ATR: variants seen among roughly 807,000 people sequenced by gnomAD.
The protein encoded by ATR is ATR checkpoint kinase.
Under a neutral mutation model 305.3 loss-of-function variants are expected in ATR, and 142 were observed. The ratio of observed to expected loss-of-function variants is 0.47; its 90% CI spans 0.41 to 0.53. The LOEUF (loss-of-function observed/expected upper bound fraction) is 0.53, where lower values mean the gene tolerates loss of function less well. Ranked by LOEUF, ATR falls within the 20% of genes least tolerant of loss-of-function variation. ATR has a pLI of 0.00. For synonymous variants in ATR, 1,050 were observed against 1,068.1 expected (o/e 0.98, Z 0.33); for missense variants, 2,135 against 3,133.1 (o/e 0.68, Z 7.60).
intron 16 of ATR, among the ~76,000 whole-genome samples, chr3:142,544,620 G>C (rs906939923): frequency 1.4e-5 from 1 of 72,016 alleles, no homozygotes; most frequent in Non-Finnish European, 2.6e-5. Context: ...GAAGAAAGGA[G>C]CAAAAAAAAA....
At chr3:142,569,048 C>G (rs150754340) in intron 1 of ATR, among the ~76,000 whole-genome samples, 2,731 of 152,314 alleles carry the variant, frequency 0.018, 29 homozygotes, top group South Asian at 0.041. Context: ...AAGCCAGGAA[C>G]AGCTTGAAGC....
chr3:142,467,263 CT>C (rs2071152137), intron 39 of ATR, among the ~76,000 whole-genome samples: 1 of 152,044 alleles, frequency 6.6e-6, no homozygotes, highest in Non-Finnish European at 1.5e-5. Flanking sequence ...CCTATACATC[CT>C]TGGGGGTTTT....
At chr3:142,460,652 C>T (rs1303539616) in intron 42 of ATR, among the ~76,000 whole-genome samples, 20 of 152,020 alleles carry the variant, frequency 1.3e-4, no homozygotes, top group African/African-American at 2.4e-5. Context: ...TGTTTAAACT[C>T]GCTTAGTTTG....
Position 142,561,254 on chromosome 3 carries a change from T to C in ATR, c.1338A>G (p.Lys446=), listed in dbSNP as rs1269628278. Residue 446 remains lysine, a synonymous_variant, in exon 5 of 47, where the codon AAA becomes AAG. Transcript: ENST00000350721. ...SSLNPSKRAP[K]QTEEIKHVDM... Reference sequence around the variant, plus strand: ...GAAGGTCATCATACTCCTCAGTCTGTTTTGGTGCTCTTTTAGAAGGGTTTA... The same window carrying C: ...GAAGGTCATCATACTCCTCAGTCTGCTTTGGTGCTCTTTTAGAAGGGTTTA... The C allele has an allele frequency of 6.2e-7, 1 of 1,613,780 alleles. No homozygotes were observed. Among genetic ancestry groups the C allele is most frequent in the Non-Finnish European group, 8.5e-7 (1 of 1,179,716 alleles).
At chr3:142,547,074 C>T (rs983205619) in intron 16 of ATR, among the ~76,000 whole-genome samples, 3 of 152,032 alleles carry the variant, frequency 2.0e-5, no homozygotes, top group Non-Finnish European at 4.4e-5. Flanking sequence ...GCCAACAGTC[C>T]TTTAAGTCTG....
At chr3:142,478,923 T>C (rs1330189137) in intron 36 of ATR, among the ~76,000 whole-genome samples, 1 of 152,184 alleles carries the variant, frequency 6.6e-6, no homozygotes, top group Non-Finnish European at 1.5e-5. Flanking sequence ...CCTGCCTTTT[T>C]TTGTTTTCCA....
chr3:142,547,999 T>C (rs2034337074), intron 15 of ATR, 89 bp from the exon 16 acceptor site: 5 of 1,133,278 alleles, frequency 4.4e-6, no homozygotes, highest in South Asian at 2.6e-5. Context: ...TATTAGTACA[T>C]CAGGAGCTCT....
At position 142,561,321 on chromosome 3, in the gene ATR, C is replaced by T. The variant is rs758671510; in HGVS notation, c.1271G>A (p.Ser424Asn). Residue 424 changes from serine to asparagine, a missense_variant, in exon 5 of 47, where the codon AGT becomes AAT. Physicochemically the swap from Ser to Asn is conservative, Grantham distance 46. Transcript: ENST00000350721. The stretch of plus-strand genomic sequence containing the variant: ...ACGCCTTTTGGGTGATATTCCATCA[C>T]TATTACTGCTGAGGTTTTCCTGTTG... ...QTQQENLSSN[S>N]DGISPKRRRL... 6.2e-7 allele frequency: 1 copy of T among 1,614,082 alleles called. No individual in the cohort carries two copies. The highest frequency in any genetic ancestry group is 1.7e-5 in the Admixed American group (1 of 60,020).
In ATR at chr3:142,465,259, T is replaced by A. The variant is rs1553752204; in HGVS notation, c.6898-19A>T. 1 of 1,604,742 alleles carries A rather than the reference T, an allele frequency of 6.2e-7. No homozygotes were observed. Among genetic ancestry groups the A allele is most frequent in the South Asian group, 1.1e-5 (1 of 90,478 alleles). Reference sequence around the variant, plus strand: ...TTTCCACCTAAAAGATGATGAGTTATATATGAATTAGGGCCAAAAATTTCT... The same window carrying A: ...TTTCCACCTAAAAGATGATGAGTTAAATATGAATTAGGGCCAAAAATTTCT... On this transcript the variant is annotated intron_variant, in intron 40 of 46. Coordinates refer to ENST00000350721, the MANE Select transcript of ATR (RefSeq NM_001184.4).
chr3:142,542,597 C>T, intron 17 of ATR, 68 bp downstream of exon 17: 1 of 1,312,506 alleles, frequency 7.6e-7, no homozygotes, highest in Non-Finnish European at 1.1e-6. Flanking sequence ...ATGTTTGTAG[C>T]TAGATGCAGA....
intron 21 of ATR, among the ~76,000 whole-genome samples, chr3:142,528,354 T>C (rs1031409127): frequency 2.0e-5 from 3 of 152,204 alleles, no homozygotes; most frequent in African/African-American, 7.2e-5. Context: ...CTTCTTATTT[T>C]GGCTTTATCA....
intron 3 of ATR, among the ~76,000 whole-genome samples, chr3:142,563,695 C>T (rs2034964866): frequency 1.3e-5 from 2 of 152,122 alleles, no homozygotes. Context: ...AAGGAAGAGT[C>T]ACACATCTCT....
intron 21 of ATR, among the ~76,000 whole-genome samples, chr3:142,525,478 TTAAC>T (rs2033339576): frequency 6.6e-6 from 1 of 152,192 alleles, no homozygotes; most frequent in Non-Finnish European, 1.5e-5. Context: ...ATTCCATTAA[TTAAC>T]CTAAGGAGAA....
At chr3:142,452,890 G>C in intron 46 of ATR, 1 of 1,358,546 alleles carries the variant, frequency 7.4e-7, no homozygotes, top group Non-Finnish European at 9.5e-7. Flanking sequence ...AATTGTCTAT[G>C]GTTAAACAAG....
rs759866425 is a variant in ATR, at chr3:142,550,214, G to C, written c.2894C>G (p.Ala965Gly). The C allele has an allele frequency of 1.9e-6, 3 of 1,614,152 alleles. No individual in the cohort carries two copies. The South Asian group carries it at 3.3e-5, about 18-fold the overall frequency. Reference sequence around the variant, plus strand: ...ATTTAAAGCCATTTCTCTCTGGTGAGCCACATCTTGTTTTCGCACGTCAGC... The same window carrying C: ...ATTTAAAGCCATTTCTCTCTGGTGACCCACATCTTGTTTTCGCACGTCAGC... ...QNADVRKQDV[A>G]HQREMALNTL... The change falls in exon 14 of 47, where the codon GCT (alanine) becomes GGT (glycine). Residue 965 changes from alanine (A) to glycine (G), a missense_variant. Coordinates refer to ENST00000350721, the MANE Select transcript of ATR (RefSeq NM_001184.4).
chr3:142,555,534 G>A (rs35375242), intron 10 of ATR, among the ~76,000 whole-genome samples: 2 of 152,222 alleles, frequency 1.3e-5, no homozygotes, highest in African/African-American at 4.8e-5. Flanking sequence ...AAGTTCTCAA[G>A]GTCCAAGGTT....
At chr3:142,503,866 T>A (rs968661712) in intron 29 of ATR, among the ~76,000 whole-genome samples, 1 of 152,218 alleles carries the variant, frequency 6.6e-6, no homozygotes, top group African/African-American at 2.4e-5. Flanking sequence ...GGACTACTTT[T>A]TGGTTCACAT....
chr3:142,522,927 C>A, intron 22 of ATR, 86 bp from the exon 23 acceptor site: 1 of 999,680 alleles, frequency 1.0e-6, no homozygotes, highest in African/African-American at 1.6e-5. Context: ...GTGAATTTAA[C>A]TTAACTGCGT....
intron 23 of ATR, among the ~76,000 whole-genome samples, chr3:142,520,786 G>C (rs547113813): frequency 5.9e-4 from 90 of 152,264 alleles, no homozygotes; most frequent in African/African-American, 2.1e-3. Flanking sequence ...AAAAGAAGCT[G>C]TCTCTATAAC....
Sources: gnomAD v4.1 joint callset for allele counts (sites outside exome capture counted in the v4.1 genomes callset) on GRCh38, gnomAD v4.1.1 for gene constraint, MANE v1.5 for transcripts, NCBI Gene and HGNC (gene_info 2026-07-23, HGNC 2026-07-21) for gene names.